Variants in RBM6 observed in about 807,000 individuals in gnomAD.
RBM6 encodes the protein RNA-binding protein 6.
A neutral mutation model predicts 140.4 loss-of-function variants in RBM6; 23 were observed. The ratio of observed to expected loss-of-function variants is 0.16; its 90% CI spans 0.12 to 0.23. The LOEUF is 0.23. RBM6 is among the 10% of genes least tolerant of loss of function. The pLI is 1.00. For missense variants in RBM6, 1,139 were observed against 1,386.7 expected, an observed-to-expected ratio of 0.82 and a Z score of 2.84; for synonymous variants, 439 against 475.6, an observed-to-expected ratio of 0.92 and a Z score of 1.00.
intron 5 of RBM6, among the ~76,000 whole-genome samples, chr3:49,988,290 A>G (rs550193681): frequency 6.6e-6 from 1 of 152,182 alleles, no homozygotes; most frequent in East Asian, 1.9e-4. Flanking sequence ...GACCACAGGT[A>G]CCCACCATCA....
chr3:50,068,668 A>T (rs768311007), intron 17 of RBM6, 22 bp from the exon 18 acceptor site: 1 of 1,610,680 alleles, frequency 6.2e-7, no homozygotes, highest in East Asian at 2.2e-5. Flanking sequence ...ACCTATACTC[A>T]TAGAATTGCC....
chr3:50,021,555 G>A (rs576132345), intron 6 of RBM6, among the ~76,000 whole-genome samples: 2 of 152,104 alleles, frequency 1.3e-5, no homozygotes, highest in South Asian at 2.1e-4. Context: ...CACGAAAATC[G>A]GTTGAACCCA....
intron 1 of RBM6, among the ~76,000 whole-genome samples, chr3:49,960,910 C>CTTT (rs1439558901): frequency 2.3e-5 from 3 of 132,276 alleles, no homozygotes; most frequent in Non-Finnish European, 3.3e-5. Flanking sequence ...CCCAGAGTAC[C>CTTT]TTTTTTTTTT....
chr3:50,041,355 A>G (rs1470126856), intron 6 of RBM6, among the ~76,000 whole-genome samples: 1 of 152,234 alleles, frequency 6.6e-6, no homozygotes, highest in Non-Finnish European at 1.5e-5. Flanking sequence ...GCAGAGCTAT[A>G]GAGCTGACAT....
At chr3:50,061,837 CTCT>C in intron 14 of RBM6, 122 bp from the exon 15 acceptor site, 1 of 1,333,898 alleles carries the variant, frequency 7.5e-7, no homozygotes, top group Non-Finnish European at 1.0e-6. Flanking sequence ...TTGATGTGGA[CTCT>C]TCTTAGACTT....
chr3:49,947,324 G>A (rs1240815570), intron 1 of RBM6, among the ~76,000 whole-genome samples: 1 of 151,144 alleles, frequency 6.6e-6, no homozygotes, highest in Non-Finnish European at 1.5e-5. Flanking sequence ...CAGCTGCTCA[G>A]GAGGCTGAGG....
intron 10 of RBM6, 118 bp from the exon 11 acceptor site, chr3:50,059,528 TGTA>T (rs2089853028): frequency 1.4e-6 from 1 of 739,862 alleles, no homozygotes. Context: ...CAGAATATAA[TGTA>T]GTAAATTTAT....
intron 6 of RBM6, among the ~76,000 whole-genome samples, chr3:50,036,145 C>G (rs556852522): frequency 8.0e-4 from 121 of 152,074 alleles, no homozygotes; most frequent in African/African-American, 2.8e-3. Context: ...ATTCGCCCAC[C>G]TCAGCTCCCA....
At chr3:49,959,355 A>ATTT in intron 1 of RBM6, among the ~76,000 whole-genome samples, 1 of 123,290 alleles carries the variant, frequency 8.1e-6, no homozygotes, top group East Asian at 2.4e-4. Flanking sequence ...CGCCTGGCTA[A>ATTT]TTTTTTTTTT....
chr3:49,977,142 A>G (rs944737952), intron 5 of RBM6, among the ~76,000 whole-genome samples: 132 of 152,310 alleles, frequency 8.7e-4, no homozygotes, highest in African/African-American at 3.1e-3. Flanking sequence ...TTGTCTTACA[A>G]ACCCATGCGT....
At chr3:50,010,395 G>A (rs553044518) in intron 6 of RBM6, among the ~76,000 whole-genome samples, 11 of 152,074 alleles carry the variant, frequency 7.2e-5, no homozygotes, top group South Asian at 2.1e-4. Flanking sequence ...CCGGGGAGTC[G>A]GGGGGTGGCA....
Position 50,042,542 on chromosome 3 carries a change from G to A in RBM6, c.1558-5703G>A, listed in dbSNP as rs149663683. 1.2e-4 allele frequency among the ~76,000 whole-genome samples: 18 copies of A among 152,150 alleles called. No individual in the cohort carries two copies. The East Asian group carries it at 2.3e-3, about 20-fold the overall frequency. On this transcript the variant is annotated intron_variant, in intron 6 of 20. Transcript: ENST00000266022. The stretch of plus-strand genomic sequence containing the variant: ...GGGCCCAGGAGTTTGAGACCAGCCT[G>A]GGCAACATAGTGAGACCCCCATCTC...
intron 8 of RBM6, among the ~76,000 whole-genome samples, chr3:50,055,978 C>T (rs1459211462): frequency 6.6e-6 from 1 of 152,160 alleles, no homozygotes; most frequent in Non-Finnish European, 1.5e-5. Flanking sequence ...AAATATAGTT[C>T]AGTGCAGGGA....
At chr3:49,973,814 G>A (rs2084916789) in intron 4 of RBM6, among the ~76,000 whole-genome samples, 1 of 151,976 alleles carries the variant, frequency 6.6e-6, no homozygotes, top group South Asian at 2.1e-4. Flanking sequence ...TTGAACTCCT[G>A]ACCTCAAGTG....
chr3:49,962,552 A>C, intron 1 of RBM6, 24 bp from the exon 2 acceptor site: 1 of 1,182,594 alleles, frequency 8.5e-7, no homozygotes, highest in Non-Finnish European at 1.2e-6. Context: ...TAAAGTACTA[A>C]TTTTTGTGGT....
chr3:50,021,366 G>A (rs1158206575), intron 6 of RBM6, among the ~76,000 whole-genome samples: 3 of 152,162 alleles, frequency 2.0e-5, no homozygotes, highest in African/African-American at 7.2e-5. Flanking sequence ...AAGGCTGGGT[G>A]CAGTGGCTCA....
rs569224640 is a variant in RBM6, at chr3:49,968,770, C to CTTT, written c.1323+48_1323+50dup. On this transcript the variant is annotated intron_variant, in intron 3 of 20. Coordinates refer to ENST00000266022, the MANE Select transcript of RBM6 (RefSeq NM_005777.3). Reference sequence around the variant, plus strand: ...TCAGGTATGTTGATGGGGTGGATTGCTTTTTTTTTTTTTTTTTTTTTTTTT... The same window carrying CTTT: ...TCAGGTATGTTGATGGGGTGGATTGCTTTTTTTTTTTTTTTTTTTTTTTTTTTT... 1.5e-3 allele frequency: 1,063 copies of CTTT among 699,312 alleles called. 35 individuals are homozygous for CTTT. The highest frequency in any genetic ancestry group is 5.2e-3 in the South Asian group (217 of 41,984). 43.3% of individuals were successfully genotyped at this position (699,312 alleles called of 1,614,324 possible).
intron 6 of RBM6, among the ~76,000 whole-genome samples, chr3:50,023,192 C>T (rs935600770): frequency 2.6e-5 from 4 of 152,066 alleles, no homozygotes; most frequent in African/African-American, 7.2e-5. Flanking sequence ...GAATCTTTCA[C>T]GTTCTTCCTC....
chr3:49,943,163 C>T (rs4688760), intron 1 of RBM6, among the ~76,000 whole-genome samples: 104,239 of 152,092 alleles, frequency 0.69, 37,386 homozygotes, highest in African/African-American at 0.85. Flanking sequence ...ACTTGGGTTG[C>T]TTCTGCCTTT....
Sources: gnomAD v4.1 joint callset for allele counts (sites outside exome capture counted in the v4.1 genomes callset) on GRCh38, gnomAD v4.1.1 for gene constraint, MANE v1.5 for transcripts, NCBI Gene and HGNC (gene_info 2026-07-23, HGNC 2026-07-21) for gene names.